The following IL1RAPL1 variants were observed in gnomAD, a reference collection of about 807,000 sequenced individuals.
The protein encoded by IL1RAPL1 is interleukin 1 receptor accessory protein like 1.
In IL1RAPL1, 3 loss-of-function variants were observed where a neutral mutation model predicts 48.4. That is an observed-to-expected ratio of 0.06 (90% CI 0.03 to 0.16). The LOEUF (loss-of-function observed/expected upper bound fraction) is 0.16, where lower values mean the gene tolerates loss of function less well. IL1RAPL1 is among the 10% of genes least tolerant of loss of function. IL1RAPL1 has a pLI of 1.00. For missense variants in IL1RAPL1, 349 were observed against 530.6 expected (o/e 0.66, Z 3.36); for synonymous variants, 185 against 187.7 (o/e 0.99, Z 0.12).
intron 5 of IL1RAPL1, among the ~76,000 whole-genome samples, chrX:29,564,542 A>G (rs1223458975): frequency 2.7e-5 from 3 of 112,910 alleles, no homozygotes; most frequent in Non-Finnish European, 5.6e-5. Context: ...GGGAAAAGCT[A>G]CGGGAGAGTT....
At chrX:28,721,546 C>T (rs1185945828) in intron 1 of IL1RAPL1, among the ~76,000 whole-genome samples, 1 of 111,046 alleles carries the variant, frequency 9.0e-6, no homozygotes, top group African/African-American at 3.3e-5. Context: ...CTATAGGTTG[C>T]CTGTGCACTC....
chrX:29,488,267 G>A (rs777337762), intron 5 of IL1RAPL1, among the ~76,000 whole-genome samples: 3 of 111,498 alleles, frequency 2.7e-5, no homozygotes, highest in East Asian at 2.8e-4. Flanking sequence ...GTGAAACCCC[G>A]TCTCTACTAA....
chrX:29,925,488 A>G (rs1932882533), intron 8 of IL1RAPL1, among the ~76,000 whole-genome samples: 2 of 83,798 alleles, frequency 2.4e-5, no homozygotes, highest in Non-Finnish European at 4.3e-5. Flanking sequence ...GACGTCTAAT[A>G]GCACAAATTA....
At chrX:28,790,668 T>C (rs975748953) in intron 2 of IL1RAPL1, among the ~76,000 whole-genome samples, 2 of 112,729 alleles carry the variant, frequency 1.8e-5, no homozygotes, top group Non-Finnish European at 3.7e-5. Context: ...AAAAATACTG[T>C]TGTTATGTCT....
chrX:29,846,752 CTA>C (rs3084827), intron 6 of IL1RAPL1, among the ~76,000 whole-genome samples: 36 of 93,530 alleles, frequency 3.8e-4, no homozygotes, highest in South Asian at 1.5e-3. Context: ...TAACCACAGT[CTA>C]TATATATATA....
At chrX:29,430,993 G>A (rs1460596016) in intron 5 of IL1RAPL1, among the ~76,000 whole-genome samples, 2 of 111,305 alleles carry the variant, frequency 1.8e-5, no homozygotes, top group Non-Finnish European at 3.8e-5. Flanking sequence ...CGTGATCCAT[G>A]TTTGTAACTA....
intron 5 of IL1RAPL1, among the ~76,000 whole-genome samples, chrX:29,435,965 C>A (rs1182611108): frequency 9.1e-6 from 1 of 110,248 alleles, no homozygotes; most frequent in Non-Finnish European, 1.9e-5. Context: ...TTGACCTGAG[C>A]TTCCATTAGG....
intron 1 of IL1RAPL1, among the ~76,000 whole-genome samples, chrX:28,773,479 C>A: frequency 9.0e-6 from 1 of 111,632 alleles, no homozygotes; most frequent in East Asian, 2.8e-4. Flanking sequence ...CTTTGCACAC[C>A]CTGCACACTC....
intron 5 of IL1RAPL1, among the ~76,000 whole-genome samples, chrX:29,598,172 C>T (rs1025986846): frequency 8.9e-6 from 1 of 111,953 alleles, no homozygotes; most frequent in Non-Finnish European, 1.9e-5. Context: ...ATATTATGAA[C>T]TTTCCTGTTA....
chrX:29,909,789 A>C (rs1932727847), intron 6 of IL1RAPL1, among the ~76,000 whole-genome samples: 1 of 112,182 alleles, frequency 8.9e-6, no homozygotes, highest in African/African-American at 3.2e-5. Context: ...GTTGTGAAGA[A>C]AAGGGAACGC....
chrX:28,690,801 CCATAAT>C lies in IL1RAPL1; in HGVS notation c.-24-98507_-24-98502del, dbSNP rs1238293818. Among the ~76,000 whole-genome samples the C allele has an allele frequency of 2.1e-4, 23 of 110,971 alleles. No homozygotes were observed. The South Asian group carries it at 8.9e-3, about 43-fold the overall frequency. On this transcript the variant is annotated intron_variant, in intron 1 of 10. Transcript: ENST00000378993. ...TCAGCCTGCACAACCATAATTTTAA[CCATAAT>C]CATAATCATAACCATAACCATACCA... is the stretch of plus-strand genomic sequence containing the variant.
intron 2 of IL1RAPL1, among the ~76,000 whole-genome samples, chrX:29,097,544 C>T (rs1228478894): frequency 1.8e-5 from 2 of 111,746 alleles, no homozygotes; most frequent in Non-Finnish European, 3.8e-5. Flanking sequence ...CCCAAAGTAT[C>T]CAAGGAGTTG....
intron 6 of IL1RAPL1, among the ~76,000 whole-genome samples, chrX:29,820,709 G>A (rs1240589671): frequency 8.9e-6 from 1 of 111,875 alleles, no homozygotes; most frequent in Admixed American, 9.5e-5. Context: ...GAAGTCCTTG[G>A]AATTTTCTAA....
intron 6 of IL1RAPL1, among the ~76,000 whole-genome samples, chrX:29,902,857 G>A (rs1177833202): frequency 9.0e-6 from 1 of 111,404 alleles, no homozygotes; most frequent in African/African-American, 3.3e-5. Context: ...AAAGAAATCT[G>A]ACACTACAGC....
chrX:29,815,467 A>G (rs1248452874), intron 6 of IL1RAPL1, among the ~76,000 whole-genome samples: 1 of 111,763 alleles, frequency 8.9e-6, no homozygotes, highest in South Asian at 3.7e-4. Flanking sequence ...TATCAGTTCT[A>G]AAAGGTTTTT....
chrX:29,395,922 C>T (rs1053524942), intron 3 of IL1RAPL1, among the ~76,000 whole-genome samples: 9 of 112,621 alleles, frequency 8.0e-5, no homozygotes, highest in Non-Finnish European at 1.1e-4. Flanking sequence ...CCAATTTTAG[C>T]ATAAGCCCAG....
intron 5 of IL1RAPL1, among the ~76,000 whole-genome samples, chrX:29,503,740 C>T (rs908652134): frequency 1.1e-4 from 12 of 110,902 alleles, no homozygotes; most frequent in Admixed American, 3.9e-4. Flanking sequence ...GCCCTGACAT[C>T]CTGGGCTCAA....
intron 3 of IL1RAPL1, among the ~76,000 whole-genome samples, chrX:29,393,055 A>G (rs1458035674): frequency 1.8e-5 from 2 of 112,013 alleles, no homozygotes; most frequent in African/African-American, 6.5e-5. Flanking sequence ...ACAGCAGCCT[A>G]TGGAGTCTTT....
At chrX:29,716,126 A>G (rs1477258733) in intron 6 of IL1RAPL1, among the ~76,000 whole-genome samples, 6 of 111,038 alleles carry the variant, frequency 5.4e-5, no homozygotes, top group Non-Finnish European at 7.6e-5. Flanking sequence ...GGGAAACATA[A>G]TTGTGCAAAT....
Sources: allele counts gnomAD v4.1 joint callset (sites outside exome capture counted in the v4.1 genomes callset), GRCh38; gene constraint gnomAD v4.1.1; transcripts MANE v1.5; gene names NCBI Gene and HGNC (gene_info 2026-07-23, HGNC 2026-07-21).